The following ATP13A4 variants were observed in gnomAD, a reference collection of about 807,000 sequenced individuals.
The protein encoded by ATP13A4 is probable cation-transporting ATPase 13A4.
ATP13A4 carries 114 observed loss-of-function variants against 142.5 expected under a neutral mutation model. The observed-to-expected ratio is 0.80, with a 90% CI of 0.69 to 0.93. ATP13A4 has a LOEUF of 0.93. Ranked by LOEUF, ATP13A4 falls within the 40% of genes least tolerant of loss-of-function variation. The probability of loss-of-function intolerance (pLI) is 0.00; values close to 1 mark genes in which losing one functional copy is unlikely to be tolerated. For missense variants in ATP13A4, 1,392 were observed against 1,454.0 expected (o/e 0.96, Z 0.69); for synonymous variants, 488 against 514.8 (o/e 0.95, Z 0.70).
At position 193,575,303 on chromosome 3, in the gene ATP13A4, G is replaced by A. The variant is rs555213341; in HGVS notation, n.291+6404C>T. Among the ~76,000 whole-genome samples, 7 of 152,254 alleles carry A rather than the reference G, an allele frequency of 4.6e-5. No individual in the cohort carries two copies. In the East Asian group the frequency reaches 1.2e-3, roughly 25 times the overall value. On this transcript the variant is annotated intron_variant and non_coding_transcript_variant, in intron 2 of 3. Coordinates refer to the ATP13A4 transcript ENST00000489140. ...ATATTAAACTTTAACTATCATCATAGAAGTTTCTAGAATTACTATGGAGGA... is the reference window on the plus strand; with the variant it reads ...ATATTAAACTTTAACTATCATCATAAAAGTTTCTAGAATTACTATGGAGGA...
At chr3:193,538,080 T>G (rs988992755) in intron 1 of ATP13A4, among the ~76,000 whole-genome samples, 1 of 152,192 alleles carries the variant, frequency 6.6e-6, no homozygotes, top group African/African-American at 2.4e-5. Context: ...ACTATAGTTT[T>G]GTAAGACATT....
chr3:193,493,535 T>C (rs1052170202), intron 3 of ATP13A4, among the ~76,000 whole-genome samples: 2 of 152,128 alleles, frequency 1.3e-5, no homozygotes, highest in Admixed American at 6.6e-5. Flanking sequence ...CTTGAAATGC[T>C]GTAGACGTAA....
chr3:193,519,561 TAAGC>T (rs1373688792), intron 1 of ATP13A4, among the ~76,000 whole-genome samples: 1 of 151,644 alleles, frequency 6.6e-6, no homozygotes, highest in African/African-American at 2.4e-5. Context: ...CCTATATAAT[TAAGC>T]CCTTAATCTC....
intron 2 of ATP13A4, among the ~76,000 whole-genome samples, chr3:193,503,652 A>G (rs1476132509): frequency 6.6e-6 from 1 of 152,156 alleles, no homozygotes; most frequent in Non-Finnish European, 1.5e-5. Context: ...GGAAGATACA[A>G]TCATTGTAGC....
intron 1 of ATP13A4, among the ~76,000 whole-genome samples, chr3:193,530,122 A>G (rs1722233129): frequency 6.6e-6 from 1 of 152,170 alleles, no homozygotes; most frequent in Non-Finnish European, 1.5e-5. Context: ...CCTAAAATGA[A>G]TATGTCCTAT....
At position 193,407,399 on chromosome 3, in the gene ATP13A4, G is replaced by C. The variant is rs753743933; in HGVS notation, c.3298-6C>G. On this transcript the variant is annotated splice_region_variant and splice_polypyrimidine_tract_variant and intron_variant, in intron 28 of 29. Coordinates refer to ENST00000342695, the MANE Select transcript of ATP13A4 (RefSeq NM_032279.4). ...AGGACGGGAGTGCAGAGCAGCTGGCGGGAGATGATGAAGCACAGTTAGTCT... is the reference window on the plus strand; with the variant it reads ...AGGACGGGAGTGCAGAGCAGCTGGCCGGAGATGATGAAGCACAGTTAGTCT... The C allele has an allele frequency of 1.2e-6, 2 of 1,607,856 alleles. No individual in the cohort carries two copies. The highest frequency in any genetic ancestry group is 2.7e-5 in the African/African-American group (2 of 74,754).
In ATP13A4 at chr3:193,401,545, A is replaced by G. The variant is rs1419753657; in HGVS notation, c.*1107T>C. Among the ~76,000 whole-genome samples the G allele has an allele frequency of 3.3e-5, 5 of 152,326 alleles. No homozygotes were observed. The East Asian group carries it at 7.7e-4, about 24-fold the overall frequency. Reference sequence around the variant, plus strand: ...ACATGAGAGATTCCTAAAACATAGGATAAGTTACTGGGGTTAGGAAAAGTG... The same window carrying G: ...ACATGAGAGATTCCTAAAACATAGGGTAAGTTACTGGGGTTAGGAAAAGTG... On this transcript the variant is annotated 3_prime_UTR_variant, in exon 30 of 30. Coordinates refer to ENST00000342695, the MANE Select transcript of ATP13A4 (RefSeq NM_032279.4).
At chr3:193,454,058 T>A (rs1039119516) in intron 17 of ATP13A4, 43 bp downstream of exon 17, 1 of 1,520,326 alleles carries the variant, frequency 6.6e-7, no homozygotes, top group African/African-American at 1.4e-5. Context: ...TGGTACATCT[T>A]TCCATCAAAC....
intron 8 of ATP13A4, among the ~76,000 whole-genome samples, chr3:193,476,219 T>C (rs1428622650): frequency 6.6e-6 from 1 of 152,084 alleles, no homozygotes; most frequent in Non-Finnish European, 1.5e-5. Flanking sequence ...ACTTGCAACA[T>C]TCTTATTGAG....
intron 1 of ATP13A4, among the ~76,000 whole-genome samples, chr3:193,522,771 C>T (rs2108692321): frequency 6.6e-6 from 1 of 152,282 alleles, no homozygotes; most frequent in African/African-American, 2.4e-5. Context: ...AGAGGGACTC[C>T]ACCCAATAGC....
chr3:193,519,945 T>G (rs1382817605), intron 1 of ATP13A4, among the ~76,000 whole-genome samples: 1 of 151,910 alleles, frequency 6.6e-6, no homozygotes, highest in Non-Finnish European at 1.5e-5. Flanking sequence ...GCACCTGGCC[T>G]GCAATTTCTA....
chr3:193,409,103 T>C (rs1714644942), intron 28 of ATP13A4, among the ~76,000 whole-genome samples: 1 of 152,222 alleles, frequency 6.6e-6, no homozygotes, highest in Admixed American at 6.5e-5. Context: ...ATTGTCACTA[T>C]ATGGCTTTTT....
intron 8 of ATP13A4, among the ~76,000 whole-genome samples, chr3:193,477,899 C>G (rs1719062347): frequency 6.6e-6 from 1 of 151,902 alleles, no homozygotes; most frequent in African/African-American, 2.4e-5. Context: ...AGCAAATGAA[C>G]AACTGAACAT....
chr3:193,532,013 T>C (rs1469533230), intron 1 of ATP13A4, among the ~76,000 whole-genome samples: 1 of 152,174 alleles, frequency 6.6e-6, no homozygotes, highest in Non-Finnish European at 1.5e-5. Context: ...TATACTGATG[T>C]GCCTAAAGGT....
chr3:193,457,070 C>G lies in ATP13A4; in HGVS notation c.1845G>C (p.Met615Ile). ...LQRMTVIVQE[M>I]GGDRLAFMKG... ...TCATGAATGCCAGTCGGTCACCTCC[C>G]ATCTCTTGGACAATGACTGTCATTC... Residue 615 changes from methionine (M) to isoleucine (I), a missense_variant, in exon 16 of 30, where the codon ATG becomes ATC. Physicochemically the swap from Met to Ile is conservative, Grantham distance 10. Transcript: ENST00000342695. 6.2e-7 allele frequency: 1 copy of G among 1,614,092 alleles called. No homozygotes were observed. Among genetic ancestry groups the G allele is most frequent in the East Asian group, 2.2e-5 (1 of 44,888 alleles).
At chr3:193,546,266 G>A (rs1723216778) in intron 1 of ATP13A4, among the ~76,000 whole-genome samples, 1 of 152,104 alleles carries the variant, frequency 6.6e-6, no homozygotes, top group Non-Finnish European at 1.5e-5. Flanking sequence ...ATCACATTCA[G>A]ACAGTGAGAA....
chr3:193,413,943 C>T (rs1041115886), intron 26 of ATP13A4, among the ~76,000 whole-genome samples: 1 of 152,150 alleles, frequency 6.6e-6, no homozygotes, highest in South Asian at 2.1e-4. Context: ...CCTGTTCATA[C>T]ACCCCCTCCC....
At chr3:193,561,497 A>G (rs1724016372) in intron 2 of ATP13A4, among the ~76,000 whole-genome samples, 1 of 152,236 alleles carries the variant, frequency 6.6e-6, no homozygotes, top group Admixed American at 6.5e-5. Context: ...ATATTTTGAG[A>G]GAGGGGTGAA....
chr3:193,444,189 C>A (rs1219194914), intron 18 of ATP13A4, among the ~76,000 whole-genome samples: 1 of 152,080 alleles, frequency 6.6e-6, no homozygotes, highest in African/African-American at 2.4e-5. Context: ...TTAGAGAAAA[C>A]CACATTACAT....
Sources: gnomAD v4.1 joint callset for allele counts (sites outside exome capture counted in the v4.1 genomes callset) on GRCh38, gnomAD v4.1.1 for gene constraint, MANE v1.5 for transcripts, NCBI Gene and HGNC (gene_info 2026-07-23, HGNC 2026-07-21) for gene names.